The following MEOX2 variants were observed in gnomAD, a reference collection of about 807,000 sequenced individuals.
MEOX2 encodes mesenchyme homeobox 2, also known as homeobox protein MOX-2.
A neutral mutation model predicts 27.0 loss-of-function variants in MEOX2; 11 were observed. The ratio of observed to expected loss-of-function variants is 0.41; its 90% confidence interval spans 0.26 to 0.68. MEOX2 has a LOEUF of 0.68. Among genes scored for constraint, MEOX2 ranks in the 30% least tolerant of loss-of-function variants. MEOX2 has a pLI of 0.33. For missense variants in MEOX2, 436 were observed against 385.4 expected (o/e 1.13, Z -1.10); for synonymous variants, 189 against 155.4 (o/e 1.22, Z -1.61).
At chr7:15,634,491 A>C (rs1781452079) in intron 1 of MEOX2, among the ~76,000 whole-genome samples, 1 of 151,994 alleles carries the variant, frequency 6.6e-6, no homozygotes, top group Non-Finnish European at 1.5e-5. Flanking sequence ...TTGTATTTTA[A>C]AATGTTTATT....
chr7:15,676,698 G>A lies in MEOX2; in HGVS notation c.517+9188C>T, dbSNP rs550543577. On this transcript the variant is annotated intron_variant, in intron 1 of 2. Transcript: ENST00000262041. Reference sequence around the variant, plus strand: ...CCAGCCTGGCCAACATGGTGAAACCGCGTCTCTACTAAAAATATAAAAATT... The same window carrying A: ...CCAGCCTGGCCAACATGGTGAAACCACGTCTCTACTAAAAATATAAAAATT... 7.2e-5 allele frequency among the ~76,000 whole-genome samples: 11 copies of A among 151,806 alleles called. No individual in the cohort carries two copies. In the South Asian group the frequency reaches 1.9e-3, roughly 26 times the overall value.
intron 1 of MEOX2, among the ~76,000 whole-genome samples, chr7:15,643,986 C>T (rs530746336): frequency 2.6e-5 from 4 of 152,264 alleles, no homozygotes; most frequent in African/African-American, 9.6e-5. Flanking sequence ...AACAGTCAGG[C>T]AGGCAGTCTT....
intron 1 of MEOX2, among the ~76,000 whole-genome samples, chr7:15,669,587 T>C (rs1176307400): frequency 6.6e-6 from 1 of 152,214 alleles, no homozygotes; most frequent in Non-Finnish European, 1.5e-5. Flanking sequence ...GCTTCCCACA[T>C]AGTCAAAACT....
chr7:15,633,683 A>C (rs1356512092), intron 1 of MEOX2, among the ~76,000 whole-genome samples: 1 of 151,914 alleles, frequency 6.6e-6, no homozygotes, highest in African/African-American at 2.4e-5. Context: ...TTTCTTTAGC[A>C]AGTCATCATA....
intron 1 of MEOX2, among the ~76,000 whole-genome samples, chr7:15,646,234 C>T (rs878971762): frequency 6.6e-6 from 1 of 151,952 alleles, no homozygotes; most frequent in African/African-American, 2.4e-5. Context: ...GGATAATATA[C>T]GTGAAAGTAT....
At position 15,612,573 on chromosome 7, in the gene MEOX2, C is replaced by T. The variant is rs1219661932; in HGVS notation, c.729G>A (p.Lys243=). 6.2e-7 allele frequency: 1 copy of T among 1,614,146 alleles called. No individual in the cohort carries two copies. The highest frequency in any genetic ancestry group is 1.1e-5 in the South Asian group (1 of 91,086). The part of the protein sequence containing the change: ...VWFQNRRMKW[K]RVKGGQQGAA... ...CTCCTTGCTGTCCACCCTTTACCCT[C>T]TTCCACTTCATCCGCCTGTTTTGGA... The change falls in exon 3 of 3, where the codon AAG becomes AAA. Residue 243 remains lysine, a synonymous_variant. Transcript: ENST00000262041.
chr7:15,613,599 G>A (rs765385095), intron 2 of MEOX2, among the ~76,000 whole-genome samples: 2 of 152,078 alleles, frequency 1.3e-5, no homozygotes, highest in South Asian at 4.1e-4. Context: ...TGAATTTTGT[G>A]TGTCACCTCC....
chr7:15,655,377 T>A (rs1781801891), intron 1 of MEOX2, among the ~76,000 whole-genome samples: 2 of 151,594 alleles, frequency 1.3e-5, no homozygotes, highest in Admixed American at 1.3e-4. Context: ...ATTTTCAACA[T>A]CATTGATTTC....
At chr7:15,652,987 A>C (rs1378359084) in intron 1 of MEOX2, among the ~76,000 whole-genome samples, 1 of 152,058 alleles carries the variant, frequency 6.6e-6, no homozygotes, top group East Asian at 1.9e-4. Context: ...TCTGAAATAA[A>C]TACTCAAAAG....
intron 2 of MEOX2, among the ~76,000 whole-genome samples, chr7:15,620,322 T>C (rs1184933645): frequency 6.6e-6 from 1 of 152,164 alleles, no homozygotes. Flanking sequence ...GAATAGACAA[T>C]AAGTCAACTC....
intron 1 of MEOX2, among the ~76,000 whole-genome samples, chr7:15,644,497 T>C (rs1781613320): frequency 2.0e-5 from 3 of 152,184 alleles, no homozygotes; most frequent in Admixed American, 6.5e-5. Context: ...GAGAAGAACA[T>C]AGACCCAAGA....
intron 1 of MEOX2, among the ~76,000 whole-genome samples, chr7:15,660,694 A>G (rs1781898268): frequency 6.6e-6 from 1 of 152,122 alleles, no homozygotes; most frequent in Non-Finnish European, 1.5e-5. Flanking sequence ...TGCTCAACGA[A>G]CAATGGTTAA....
Position 15,685,955 on chromosome 7 carries a change from C to G in MEOX2, c.448G>C (p.Gly150Arg), listed in dbSNP as rs1773505753. ...TCCGCAGGTGACAGTGCCTGGCGGC[C>G]GTAGTCCCCCGGCGCGCACGCGGCC... ...TGAACAPGDY[G>R]RQALSPAEAE... is the part of the protein sequence containing the mutation. The change falls in exon 1 of 3, where the codon GGC (glycine) becomes CGC (arginine). Residue 150 changes from glycine (G) to arginine (R), a missense_variant. Gly to Arg is a moderately radical substitution (Grantham distance 125). Transcript: ENST00000262041. The G allele has an allele frequency of 6.2e-7, 1 of 1,611,274 alleles. No homozygotes were observed. Among genetic ancestry groups the G allele is most frequent in the Non-Finnish European group, 8.5e-7 (1 of 1,179,552 alleles).
intron 1 of MEOX2, among the ~76,000 whole-genome samples, chr7:15,682,993 A>C (rs955622894): frequency 5.9e-5 from 9 of 152,024 alleles, no homozygotes; most frequent in African/African-American, 2.2e-4. Flanking sequence ...GGAAGCCTAA[A>C]GTCCATAAAT....
chr7:15,631,692 T>C (rs898196876), intron 1 of MEOX2, among the ~76,000 whole-genome samples: 2 of 151,778 alleles, frequency 1.3e-5, no homozygotes, highest in African/African-American at 4.8e-5. Context: ...GCTACTTACA[T>C]AAGAAAACAT....
chr7:15,676,066 G>C (rs1055877289), intron 1 of MEOX2: 1 of 152,154 alleles, frequency 6.6e-6, no homozygotes, highest in Non-Finnish European at 1.5e-5. Flanking sequence ...TTTCGCTGAA[G>C]TCATGTCTGA....
intron 1 of MEOX2, among the ~76,000 whole-genome samples, chr7:15,670,089 A>G (rs1467641713): frequency 6.6e-6 from 1 of 152,036 alleles, no homozygotes. Flanking sequence ...TTTTTCTTAC[A>G]TTAACTTCCA....
chr7:15,657,421 G>T (rs1781840644), intron 1 of MEOX2, among the ~76,000 whole-genome samples: 1 of 151,724 alleles, frequency 6.6e-6, no homozygotes, highest in Non-Finnish European at 1.5e-5. Context: ...AATTTCTATG[G>T]TTCCATCTTC....
chr7:15,686,471 T>G lies in MEOX2; in HGVS notation c.-69A>C. On this transcript the variant is annotated 5_prime_UTR_variant, in exon 1 of 3. Transcript: ENST00000262041. ...TCCAAAGGCCACCACCCTCTGTCACTTTTTCACTGGAAACCGTGTGATTTT... is the reference window on the plus strand; with the variant it reads ...TCCAAAGGCCACCACCCTCTGTCACGTTTTCACTGGAAACCGTGTGATTTT... 1 of 1,362,104 alleles carries G rather than the reference T, an allele frequency of 7.3e-7. No individual in the cohort carries two copies. The highest frequency in any genetic ancestry group is 9.9e-7 in the Non-Finnish European group (1 of 1,011,816). 84.4% of individuals were successfully genotyped at this position (1,362,104 alleles called of 1,614,324 possible). A position where few individuals can be genotyped will look rare whatever the true frequency, so the allele number is the denominator to read the frequency against.
Sources: allele counts gnomAD v4.1 joint callset (sites outside exome capture counted in the v4.1 genomes callset), GRCh38; gene constraint gnomAD v4.1.1; transcripts MANE v1.5; gene names NCBI Gene and HGNC (gene_info 2026-07-23, HGNC 2026-07-21).